The following OPHN1 variants were observed in gnomAD, a reference collection of about 807,000 sequenced individuals.
The protein encoded by OPHN1 is oligophrenin-1.
Under a neutral mutation model 60.7 loss-of-function variants are expected in OPHN1, and 11 were observed. That is an observed-to-expected ratio of 0.18 (90% CI 0.11 to 0.30). OPHN1 has a LOEUF of 0.30. OPHN1 is among the 10% of genes least tolerant of loss of function. The pLI, the probability that OPHN1 is intolerant of heterozygous loss-of-function variation, is 1.00. For synonymous variants in OPHN1, 226 were observed against 222.6 expected (o/e 1.02, Z -0.14); for missense variants, 449 against 611.0 (o/e 0.73, Z 2.80).
Position 68,127,396 on chromosome X carries a change from T to A in OPHN1, c.1277-8064A>T, listed in dbSNP as rs193163092. On this transcript the variant is annotated intron_variant, in intron 15 of 24. Coordinates refer to ENST00000355520, the MANE Select transcript of OPHN1 (RefSeq NM_002547.3). Reference sequence around the variant, plus strand: ...ATACTTCTTATTTTTTTCTTTTTTTTAAAAAAGAATACTTCTTTAAGCTAA... The same window carrying A: ...ATACTTCTTATTTTTTTCTTTTTTTAAAAAAAGAATACTTCTTTAAGCTAA... Among the ~76,000 whole-genome samples, 157 of 111,963 alleles carry A rather than the reference T, an allele frequency of 1.4e-3. 1 individual carries two copies. The highest frequency in any genetic ancestry group is 9.6e-3 in the Admixed American group (101 of 10,529).
intron 15 of OPHN1, among the ~76,000 whole-genome samples, chrX:68,192,183 T>C (rs1201126243): frequency 9.1e-6 from 1 of 110,480 alleles, no homozygotes; most frequent in African/African-American, 3.3e-5. Flanking sequence ...GTTCAGCAAG[T>C]TATTGAAAAG....
At chrX:68,399,931 T>C (rs1391412733) in intron 2 of OPHN1, among the ~76,000 whole-genome samples, 1 of 108,760 alleles carries the variant, frequency 9.2e-6, no homozygotes, top group Non-Finnish European at 1.9e-5. Flanking sequence ...GTCCAAGCAA[T>C]TCTCCCGCCT....
At chrX:68,294,830 T>C (rs1411356808) in intron 3 of OPHN1, among the ~76,000 whole-genome samples, 1 of 112,136 alleles carries the variant, frequency 8.9e-6, no homozygotes, top group Non-Finnish European at 1.9e-5. Context: ...CATTAGTCTA[T>C]ATAAAGTGCT....
intron 15 of OPHN1, among the ~76,000 whole-genome samples, chrX:68,175,091 A>T (rs778140065): frequency 9.1e-6 from 1 of 110,060 alleles, no homozygotes; most frequent in East Asian, 2.9e-4. Context: ...TCAAAAAAAA[A>T]AGAAAAAAAA....
intron 6 of OPHN1, among the ~76,000 whole-genome samples, chrX:68,224,462 C>T (rs192887394): frequency 8.1e-4 from 90 of 110,554 alleles, no homozygotes; most frequent in Non-Finnish European, 1.4e-3. Context: ...GTTTGAAACT[C>T]GCCTGGGCAA....
chrX:68,150,023 A>G (rs1331391085), intron 15 of OPHN1, among the ~76,000 whole-genome samples: 1 of 111,964 alleles, frequency 8.9e-6, no homozygotes, highest in Non-Finnish European at 1.9e-5. Flanking sequence ...CATAAACATT[A>G]TGCTCAGTGA....
At chrX:68,386,373 A>T (rs2078624481) in intron 2 of OPHN1, among the ~76,000 whole-genome samples, 1 of 112,023 alleles carries the variant, frequency 8.9e-6, no homozygotes, top group Admixed American at 9.5e-5. Context: ...CCCACTACTA[A>T]TCAAAGCCAA....
chrX:68,323,190 A>G (rs1304524692), intron 2 of OPHN1, among the ~76,000 whole-genome samples: 1 of 112,273 alleles, frequency 8.9e-6, no homozygotes. Flanking sequence ...CCTGGTTTTT[A>G]TATTACAGTA....
intron 6 of OPHN1, among the ~76,000 whole-genome samples, chrX:68,216,895 A>G (rs2077612256): frequency 8.9e-6 from 1 of 112,093 alleles, no homozygotes. Flanking sequence ...AACATCACTA[A>G]TCATCAAGAA....
chrX:68,343,437 G>T lies in OPHN1; in HGVS notation c.155-44341C>A, dbSNP rs376301548. ...GTCTCTACTAAAAATACAAAAATTA[G>T]CCAGACATGGTCGCGTGCCTAGGTG... is the stretch of plus-strand genomic sequence containing the variant. On this transcript the variant is annotated intron_variant, in intron 2 of 24. Transcript: ENST00000355520. 8.2e-5 allele frequency among the ~76,000 whole-genome samples: 9 copies of T among 109,854 alleles called. No individual in the cohort carries two copies. The East Asian group carries it at 1.4e-3, about 17-fold the overall frequency.
At chrX:68,235,905 T>G (rs2077750937) in intron 5 of OPHN1, among the ~76,000 whole-genome samples, 1 of 109,631 alleles carries the variant, frequency 9.1e-6, no homozygotes, top group Admixed American at 9.8e-5. Flanking sequence ...TTTTACTATT[T>G]TTTTTTAATG....
intron 2 of OPHN1, among the ~76,000 whole-genome samples, chrX:68,398,723 C>T (rs982810523): frequency 4.5e-5 from 5 of 111,166 alleles, no homozygotes; most frequent in Middle Eastern, 4.2e-3. Context: ...CCGTGGTGGG[C>T]GGATCACCTG....
At chrX:68,285,881 CTA>C (rs1317132386) in intron 3 of OPHN1, among the ~76,000 whole-genome samples, 1 of 110,804 alleles carries the variant, frequency 9.0e-6, no homozygotes, top group Non-Finnish European at 1.9e-5. Flanking sequence ...TAAAAAAAAT[CTA>C]TCTCTTTATT....
chrX:68,317,540 AAAGAAAG>A, intron 2 of OPHN1, among the ~76,000 whole-genome samples: 1 of 29,900 alleles, frequency 3.3e-5, no homozygotes, highest in East Asian at 1.7e-3. Flanking sequence ...AGAAAGAAAA[AAAGAAAG>A]AAAGAAAGAA....
At chrX:68,082,362 T>A (rs2076977334) in intron 19 of OPHN1, among the ~76,000 whole-genome samples, 1 of 112,585 alleles carries the variant, frequency 8.9e-6, no homozygotes, top group East Asian at 2.8e-4. Flanking sequence ...CCCAGATTCA[T>A]CAGAGGAATC....
intron 2 of OPHN1, among the ~76,000 whole-genome samples, chrX:68,393,659 T>A (rs937948499): frequency 9.0e-6 from 1 of 111,083 alleles, no homozygotes; most frequent in Admixed American, 9.7e-5. Context: ...TGTCCCTTTT[T>A]TATTTCTATT....
intron 2 of OPHN1, among the ~76,000 whole-genome samples, chrX:68,328,408 G>A (rs904952615): frequency 3.1e-4 from 35 of 112,945 alleles, no homozygotes; most frequent in African/African-American, 1.1e-3. Flanking sequence ...GACTGCAGGC[G>A]TGAGCCACCG....
chrX:68,388,850 T>C (rs2078637976), intron 2 of OPHN1, among the ~76,000 whole-genome samples: 1 of 111,531 alleles, frequency 9.0e-6, no homozygotes, highest in Admixed American at 9.6e-5. Context: ...CAAACTGAAT[T>C]AAGTTTATAA....
At chrX:68,233,546 C>T (rs906771465) in intron 6 of OPHN1, among the ~76,000 whole-genome samples, 1 of 110,971 alleles carries the variant, frequency 9.0e-6, no homozygotes, top group Non-Finnish European at 1.9e-5. Flanking sequence ...AGATCGTTTC[C>T]TAGATCAATA....
Sources: gnomAD v4.1 joint callset for allele counts (sites outside exome capture counted in the v4.1 genomes callset) on GRCh38, gnomAD v4.1.1 for gene constraint, MANE v1.5 for transcripts, NCBI Gene and HGNC (gene_info 2026-07-23, HGNC 2026-07-21) for gene names.